The following TAPT1 variants were observed in gnomAD, a reference collection of about 807,000 sequenced individuals.
The protein encoded by TAPT1 is transmembrane anterior posterior transformation 1.
A neutral mutation model predicts 65.6 loss-of-function variants in TAPT1; 28 were observed. The observed-to-expected ratio is 0.43, with a 90% confidence interval of 0.32 to 0.59. The LOEUF (loss-of-function observed/expected upper bound fraction) is 0.59, where lower values mean the gene tolerates loss of function less well. Ranked by LOEUF, TAPT1 falls within the 20% of genes least tolerant of loss-of-function variation. The pLI, the probability that TAPT1 is intolerant of heterozygous loss-of-function variation, is 0.09. For missense variants in TAPT1, 563 were observed against 679.9 expected, an observed-to-expected ratio of 0.83 and a Z score of 1.91; for synonymous variants, 278 against 245.2, an observed-to-expected ratio of 1.13 and a Z score of -1.25.
At chr4:16,210,150 C>T (rs182515638) in intron 2 of TAPT1, among the ~76,000 whole-genome samples, 3 of 152,308 alleles carry the variant, frequency 2.0e-5, no homozygotes, top group African/African-American at 7.2e-5. Context: ...GCTTTACCCC[C>T]AGACAGCCTA....
chr4:16,219,962 G>A (rs1751154732), intron 1 of TAPT1, among the ~76,000 whole-genome samples: 1 of 152,170 alleles, frequency 6.6e-6, no homozygotes, highest in South Asian at 2.1e-4. Flanking sequence ...AGGTAGGAGG[G>A]TACAGTGCCT....
chr4:16,191,108 C>A, intron 4 of TAPT1: 1 of 352,254 alleles, frequency 2.8e-6, no homozygotes, highest in East Asian at 4.4e-5. Flanking sequence ...GCAGGCTTGC[C>A]ACCAGAGGTG....
chr4:16,177,110 G>A (rs986796170), intron 8 of TAPT1, among the ~76,000 whole-genome samples: 3 of 152,176 alleles, frequency 2.0e-5, no homozygotes, highest in Non-Finnish European at 4.4e-5. Context: ...ATAATCTACT[G>A]TGTATTTCAA....
intron 3 of TAPT1, among the ~76,000 whole-genome samples, chr4:16,194,574 C>T (rs916871366): frequency 3.3e-5 from 5 of 151,954 alleles, no homozygotes; most frequent in South Asian, 2.1e-4. Context: ...ATCACTGTAC[C>T]GCAATCTCAT....
At chr4:16,204,421 A>C (rs985352616) in intron 2 of TAPT1, among the ~76,000 whole-genome samples, 1 of 152,282 alleles carries the variant, frequency 6.6e-6, no homozygotes, top group South Asian at 2.1e-4. Flanking sequence ...CAAACTGCAG[A>C]CATATAATTT....
chr4:16,181,561 GT>G (rs1748714740), intron 7 of TAPT1, among the ~76,000 whole-genome samples: 1 of 152,140 alleles, frequency 6.6e-6, no homozygotes, highest in African/African-American at 2.4e-5. Flanking sequence ...CATTAAAGGT[GT>G]ATTTAAGGCA....
rs866286301 is a variant in TAPT1 at position 16,217,857 on chromosome 4, T to C, written c.200-3959A>G. On this transcript the variant is annotated intron_variant, in intron 1 of 13. Transcript: ENST00000405303. The stretch of plus-strand genomic sequence containing the variant: ...TGCTGATTCAGGAGCCTCTACTCTG[T>C]ATGTGTAGCTAAGTGACTGTAAAGG... Among the ~76,000 whole-genome samples, 3 of 152,288 alleles carry C rather than the reference T, an allele frequency of 2.0e-5. No homozygotes were observed. In the South Asian group the frequency reaches 6.2e-4, roughly 32 times the overall value.
intron 3 of TAPT1, among the ~76,000 whole-genome samples, chr4:16,197,428 T>A (rs1450028478): frequency 6.6e-6 from 1 of 152,232 alleles, no homozygotes; most frequent in Non-Finnish European, 1.5e-5. Context: ...ATATCATTTT[T>A]CTCTACAATC....
At chr4:16,203,105 G>A (rs905008307) in intron 2 of TAPT1, among the ~76,000 whole-genome samples, 1 of 152,034 alleles carries the variant, frequency 6.6e-6, no homozygotes, top group Non-Finnish European at 1.5e-5. Context: ...CCTTTCTTGA[G>A]TACTTGCCAT....
At chr4:16,166,418 G>A (rs1182763102) in intron 13 of TAPT1, among the ~76,000 whole-genome samples, 2 of 152,232 alleles carry the variant, frequency 1.3e-5, no homozygotes, top group African/African-American at 2.4e-5. Flanking sequence ...CTGATGTGTC[G>A]CAGATGCTCA....
At chr4:16,188,047 ATTAG>A (rs1282324799) in intron 5 of TAPT1, among the ~76,000 whole-genome samples, 169 bp downstream of exon 5, 16 of 152,210 alleles carry the variant, frequency 1.1e-4, no homozygotes, top group Admixed American at 2.0e-4. Flanking sequence ...AGGCTCTTAA[ATTAG>A]TTAGTTATTA....
intron 11 of TAPT1, 140 bp from the exon 12 acceptor site, chr4:16,170,869 C>T (rs1578412333): frequency 1.6e-6 from 1 of 621,494 alleles, no homozygotes; most frequent in East Asian, 2.8e-5. Flanking sequence ...TCTAAAAATC[C>T]AAGAAGGCAG....
intron 1 of TAPT1, among the ~76,000 whole-genome samples, chr4:16,220,535 T>C (rs1751195975): frequency 6.6e-6 from 1 of 152,028 alleles, no homozygotes. Flanking sequence ...TGGATCCCAA[T>C]GTCAAGAGAT....
upstream of TAPT1, chr4:16,227,014 T>C (rs562063159): frequency 1.8e-5 from 8 of 451,546 alleles, no homozygotes; most frequent in Admixed American, 7.1e-5. Flanking sequence ...GGGGCCCGGC[T>C]CCAGATCACC....
At chr4:16,193,292 G>A (rs1271710065) in intron 3 of TAPT1, among the ~76,000 whole-genome samples, 1 of 152,204 alleles carries the variant, frequency 6.6e-6, no homozygotes, top group East Asian at 1.9e-4. Context: ...CATGACTTAA[G>A]ATGGGTATGA....
chr4:16,174,434 AG>A (rs1748200312), intron 10 of TAPT1, 162 bp from the exon 11 acceptor site: 1 of 716,282 alleles, frequency 1.4e-6, no homozygotes, highest in East Asian at 2.8e-5. Context: ...AATGTTCACA[AG>A]TCTTAAATAC....
intron 12 of TAPT1, among the ~76,000 whole-genome samples, chr4:16,169,296 A>G (rs746993498): frequency 1.1e-4 from 16 of 152,236 alleles, no homozygotes; most frequent in Non-Finnish European, 1.6e-4. Context: ...AAGTGTAACT[A>G]AACAAAGGTT....
chr4:16,199,363 T>C (rs1026779266), intron 3 of TAPT1, among the ~76,000 whole-genome samples: 10 of 152,130 alleles, frequency 6.6e-5, no homozygotes, highest in Non-Finnish European at 5.9e-5. Flanking sequence ...TATAAAACTT[T>C]GAAAAAAGAA....
intron 3 of TAPT1, among the ~76,000 whole-genome samples, chr4:16,202,041 C>G (rs1750064565): frequency 6.6e-6 from 1 of 152,172 alleles, no homozygotes; most frequent in Admixed American, 6.5e-5. Flanking sequence ...GCAGTAAGAG[C>G]TCCTGAGGAG....
Sources: allele counts gnomAD v4.1 joint callset (sites outside exome capture counted in the v4.1 genomes callset), GRCh38; gene constraint gnomAD v4.1.1; transcripts MANE v1.5; gene names NCBI Gene and HGNC (gene_info 2026-07-23, HGNC 2026-07-21).